Variants in CKAP5 observed in about 807,000 individuals in gnomAD.
CKAP5 encodes the protein cytoskeleton-associated protein 5.
Under a neutral mutation model 232.8 loss-of-function variants are expected in CKAP5, and 27 were observed. The observed-to-expected ratio is 0.12, with a 90% CI of 0.09 to 0.16. CKAP5 has a LOEUF of 0.16. Ranked by LOEUF, CKAP5 falls within the 10% of genes least tolerant of loss-of-function variation. The pLI is 1.00. For synonymous variants in CKAP5, 785 were observed against 841.1 expected, an observed-to-expected ratio of 0.93 and a Z score of 1.16; for missense variants, 1,838 against 2,424.7, an observed-to-expected ratio of 0.76 and a Z score of 5.08.
intron 36 of CKAP5, 117 bp from the exon 37 acceptor site, chr11:46,753,614 T>A: frequency 1.3e-6 from 1 of 755,538 alleles, no homozygotes; most frequent in Non-Finnish European, 2.0e-6. Flanking sequence ...TGAGACGGAG[T>A]CTCCTCTGTC....
At chr11:46,838,421 G>C (rs1007106949) in intron 1 of CKAP5, among the ~76,000 whole-genome samples, 1 of 151,758 alleles carries the variant, frequency 6.6e-6, no homozygotes, top group Non-Finnish European at 1.5e-5. Flanking sequence ...AGGATTGTTT[G>C]AGGCCAGGAG....
In CKAP5 at chr11:46,751,468, G is replaced by A; in HGVS notation, c.5200C>T (p.Leu1734=). The A allele has an allele frequency of 6.2e-7, 1 of 1,614,054 alleles. No individual in the cohort carries two copies. Among genetic ancestry groups the A allele is most frequent in the Non-Finnish European group, 8.5e-7 (1 of 1,179,956 alleles). ...ACCTTCATGAAAATGTGGATATCCA[G>A]AAGAATTCTGTCTAGGTTAATGCTA... ...INSINLDRIL[L]DIHIFMKVFP... Residue 1734 remains leucine (L), a synonymous_variant, in exon 39 of 44, where the codon CTG becomes TTG. Transcript: ENST00000529230.
chr11:46,778,392 A>G, intron 21 of CKAP5, 68 bp downstream of exon 21: 2 of 1,605,852 alleles, frequency 1.2e-6, no homozygotes, highest in Non-Finnish European at 1.7e-6. Context: ...CACTGAATTC[A>G]AAAAGAAGAC....
chr11:46,759,882 C>A (rs534193056), intron 33 of CKAP5, among the ~76,000 whole-genome samples: 10 of 152,158 alleles, frequency 6.6e-5, no homozygotes, highest in Non-Finnish European at 4.4e-5. Context: ...CATTCCATGC[C>A]GTGTTCAGCA....
intron 13 of CKAP5, among the ~76,000 whole-genome samples, chr11:46,792,945 A>C (rs1938775978): frequency 6.6e-6 from 1 of 152,164 alleles, no homozygotes; most frequent in Non-Finnish European, 1.5e-5. Context: ...AAGAAAGTAG[A>C]GTCTGTAACT....
chr11:46,748,743 C>G (rs949448425), intron 42 of CKAP5, among the ~76,000 whole-genome samples: 1 of 151,936 alleles, frequency 6.6e-6, no homozygotes, highest in African/African-American at 2.4e-5. Context: ...CACTCCAGCC[C>G]GAGCAACAGA....
At chr11:46,750,084 T>C (rs549476253) in intron 42 of CKAP5, among the ~76,000 whole-genome samples, 190 bp downstream of exon 42, 3 of 152,302 alleles carry the variant, frequency 2.0e-5, no homozygotes, top group Non-Finnish European at 2.9e-5. Context: ...TTATTTACCA[T>C]TGTCAAATAC....
chr11:46,804,106 C>T (rs1344648408), intron 8 of CKAP5, among the ~76,000 whole-genome samples: 1 of 152,184 alleles, frequency 6.6e-6, no homozygotes, highest in Non-Finnish European at 1.5e-5. Context: ...GAGAATACCT[C>T]TCCCTATCCA....
chr11:46,791,089 C>G (rs1055072842), intron 13 of CKAP5, among the ~76,000 whole-genome samples: 1 of 152,084 alleles, frequency 6.6e-6, no homozygotes, highest in Non-Finnish European at 1.5e-5. Flanking sequence ...GCCCTGAAGA[C>G]CACCCATGGG....
At chr11:46,829,522 G>A (rs375442271) in intron 1 of CKAP5, among the ~76,000 whole-genome samples, 51 of 152,170 alleles carry the variant, frequency 3.4e-4, no homozygotes, top group East Asian at 2.9e-3. Context: ...ACGATGGAGC[G>A]AGAAAAAATA....
chr11:46,789,809 AT>A (rs1262435867), intron 15 of CKAP5, among the ~76,000 whole-genome samples: 9 of 152,352 alleles, frequency 5.9e-5, no homozygotes, highest in African/African-American at 1.9e-4. Context: ...AAATAAAAAA[AT>A]AATCTAAGCC....
chr11:46,748,674 CAGG>C (rs2065039949), intron 42 of CKAP5, among the ~76,000 whole-genome samples: 1 of 152,056 alleles, frequency 6.6e-6, no homozygotes, highest in Admixed American at 6.5e-5. Flanking sequence ...GAGGCTGAGG[CAGG>C]AGAATTGCTT....
chr11:46,799,211 A>AT (rs1938969770), intron 9 of CKAP5, among the ~76,000 whole-genome samples: 1 of 151,790 alleles, frequency 6.6e-6, no homozygotes, highest in South Asian at 2.1e-4. Context: ...TGTAAATATA[A>AT]TTTTTTATTT....
At chr11:46,795,530 A>C (rs972268347) in intron 13 of CKAP5, 64 bp downstream of exon 13, 2 of 1,354,888 alleles carry the variant, frequency 1.5e-6, no homozygotes, top group African/African-American at 2.9e-5. Flanking sequence ...TTTTAGAGGA[A>C]CAACCACGAA....
At chr11:46,790,317 T>C (rs1938690197) in intron 14 of CKAP5, 131 bp from the exon 15 acceptor site, 3 of 800,568 alleles carry the variant, frequency 3.7e-6, no homozygotes, top group South Asian at 1.8e-5. Flanking sequence ...GCTTCTATTA[T>C]ACTTTGATAA....
intron 27 of CKAP5, among the ~76,000 whole-genome samples, chr11:46,767,028 C>CT (rs750036376): frequency 2.7e-3 from 362 of 135,460 alleles, no homozygotes; most frequent in Admixed American, 3.2e-3. Flanking sequence ...ATGCTTTCTC[C>CT]TTTTTTTTTT....
chr11:46,821,210 A>C lies in CKAP5; in HGVS notation c.22T>G (p.Leu8Val). Residue 8 changes from leucine to valine, a missense_variant, in exon 2 of 44, where the codon TTG becomes GTG. By Grantham distance (32) the Leu-to-Val change is conservative (BLOSUM62 1). Transcript: ENST00000529230. MGDDSEW[L>V]KLPVDQKCEH... The stretch of plus-strand genomic sequence containing the variant: ...CATTTCTGATCAACTGGCAGTTTCA[A>C]CCACTCACTGTCATCTCCCATTGTG... 6.2e-7 allele frequency: 1 copy of C among 1,613,182 alleles called. No individual in the cohort carries two copies. Among genetic ancestry groups the C allele is most frequent in the Non-Finnish European group, 8.5e-7 (1 of 1,179,240 alleles).
chr11:46,757,730 G>A (rs2065121449), intron 35 of CKAP5, among the ~76,000 whole-genome samples: 1 of 151,588 alleles, frequency 6.6e-6, no homozygotes, highest in African/African-American at 2.4e-5. Context: ...TGGGACTATA[G>A]GCGTGCGCCA....
chr11:46,833,848 T>C (rs1314676572), intron 1 of CKAP5, among the ~76,000 whole-genome samples: 1 of 151,868 alleles, frequency 6.6e-6, no homozygotes, highest in African/African-American at 2.4e-5. Context: ...ATCATTACTA[T>C]ATTATTATTA....
Sources: gnomAD v4.1 joint callset for allele counts (sites outside exome capture counted in the v4.1 genomes callset) on GRCh38, gnomAD v4.1.1 for gene constraint, MANE v1.5 for transcripts, NCBI Gene and HGNC (gene_info 2026-07-23, HGNC 2026-07-21) for gene names.